Variants in WNK2 observed in about 807,000 individuals in gnomAD.
WNK2 encodes WNK lysine deficient protein kinase 2.
In WNK2, 67 loss-of-function variants were observed where a neutral mutation model predicts 192.1. The observed-to-expected ratio is 0.35, with a 90% CI of 0.29 to 0.43. WNK2 has a LOEUF of 0.43. Among genes scored for constraint, WNK2 ranks in the 20% least tolerant of loss-of-function variants. The probability of loss-of-function intolerance (pLI) is 1.00; values close to 1 mark genes in which losing one functional copy is unlikely to be tolerated. For synonymous variants in WNK2, 1,439 were observed against 1,393.9 expected (o/e 1.03, Z -0.72); for missense variants, 2,698 against 3,089.7 (o/e 0.87, Z 3.01).
In WNK2 at chr9:93,238,923, A is replaced by G. The variant is rs111243697; in HGVS notation, c.1322+602A>G. 2.5e-3 allele frequency among the ~76,000 whole-genome samples: 384 copies of G among 152,078 alleles called. 4 individuals are homozygous for G. Among genetic ancestry groups the G allele is most frequent in the African/African-American group, 8.8e-3 (366 of 41,484 alleles). On this transcript the variant is annotated intron_variant, in intron 6 of 29. Coordinates refer to ENST00000427277, the MANE Select transcript of WNK2 (RefSeq NM_006648.4). ...TTCCCTCCCCCTCACACTGGAGTAC[A>G]CCCACCATCTGACGTGACACCCCTC...
rs1563997449 is a variant in WNK2, at chr9:93,211,245, CTCACTCACTCATTCACTCAT to C, written c.682-18438_682-18419del. ...ATCCACTCACTCACTCACTCATTCA[CTCACTCACTCATTCACTCAT>C]TCACTCACTCATCCACTCACTCATA... On this transcript the variant is annotated intron_variant, in intron 2 of 29. Transcript: ENST00000427277. 9.4e-4 allele frequency among the ~76,000 whole-genome samples: 25 copies of C among 26,522 alleles called. 1 individual carries two copies. Among genetic ancestry groups the C allele is most frequent in the Non-Finnish European group, 1.2e-3 (17 of 13,732 alleles). 17.4% of individuals were successfully genotyped at this position (26,522 alleles called of 152,430 possible).
chr9:93,284,566 A>G (rs577418018), intron 19 of WNK2, among the ~76,000 whole-genome samples: 4 of 146,146 alleles, frequency 2.7e-5, no homozygotes, highest in South Asian at 2.3e-4. Context: ...CAGCACTTCT[A>G]TTAAGTATCC....
At chr9:93,281,545 T>C (rs896462845) in intron 19 of WNK2, among the ~76,000 whole-genome samples, 2 of 152,088 alleles carry the variant, frequency 1.3e-5, no homozygotes, top group South Asian at 2.1e-4. Context: ...CTAAGAAATA[T>C]AGAGATTACA....
chr9:93,245,830 C>T (rs1841585283), intron 7 of WNK2, among the ~76,000 whole-genome samples: 1 of 152,174 alleles, frequency 6.6e-6, no homozygotes, highest in Admixed American at 6.5e-5. Context: ...TGGCTCAGGG[C>T]CCTAGTGAGA....
intron 2 of WNK2, among the ~76,000 whole-genome samples, chr9:93,203,523 C>T (rs965979222): frequency 3.9e-5 from 6 of 152,110 alleles, no homozygotes; most frequent in South Asian, 2.1e-4. Context: ...GGGTCCAGGC[C>T]GGGGGCACAG....
In WNK2 at chr9:93,292,838, G is replaced by T. The variant is rs773766157; in HGVS notation, c.5373G>T (p.Ala1791=). The stretch of plus-strand genomic sequence containing the variant: ...ACGTGAAGCTGGCAGTGCGGCGGGC[G>T]CAGACGGCCTCCTCCATCGAGGTCG... ...SPDVKLAVRR[A]QTASSIEVGV... is the part of the protein sequence containing the mutation. The change falls in exon 23 of 30, where the codon GCG becomes GCT. Residue 1791 remains alanine (A), a synonymous_variant. Transcript: ENST00000427277. The T allele has an allele frequency of 2.0e-6, 3 of 1,502,186 alleles. No homozygotes were observed. Among genetic ancestry groups the T allele is most frequent in the Non-Finnish European group, 1.8e-6 (2 of 1,124,510 alleles). The allele number at this position is 1,502,186 out of a possible 1,614,324, so 93.1% of individuals were successfully genotyped here. A position where few individuals can be genotyped will look rare whatever the true frequency, so the allele number is the denominator to read the frequency against.
chr9:93,238,783 G>A (rs1049131084), intron 6 of WNK2, among the ~76,000 whole-genome samples: 3 of 152,148 alleles, frequency 2.0e-5, no homozygotes, highest in Non-Finnish European at 2.9e-5. Flanking sequence ...GGGTTGTTTG[G>A]CCCTTCTCAA....
intron 13 of WNK2, among the ~76,000 whole-genome samples, 173 bp downstream of exon 13, chr9:93,262,280 A>T (rs1844403868): frequency 6.6e-6 from 1 of 152,234 alleles, no homozygotes; most frequent in African/African-American, 2.4e-5. Context: ...AAGCCACATC[A>T]AGACAGAGGG....
rs1849477287 is a variant in WNK2, at chr9:93,292,246, G to A, written c.4937-62G>A. The A allele has an allele frequency of 1.9e-6, 3 of 1,583,080 alleles. No individual in the cohort carries two copies. In the Admixed American group the frequency reaches 5.0e-5, roughly 26 times the overall value. Reference sequence around the variant, plus strand: ...CACTTTGGGCTGCTTCGGGTCAGCTGTGAGCCATCTCTGCCTCTTCCTCCT... The same window carrying A: ...CACTTTGGGCTGCTTCGGGTCAGCTATGAGCCATCTCTGCCTCTTCCTCCT... On this transcript the variant is annotated intron_variant, in intron 21 of 29. Transcript: ENST00000427277.
At chr9:93,224,325 T>C (rs908479324) in intron 2 of WNK2, among the ~76,000 whole-genome samples, 2 of 152,182 alleles carry the variant, frequency 1.3e-5, no homozygotes, top group Non-Finnish European at 2.9e-5. Context: ...CGTTGCCCAC[T>C]GGGGACTGTT....
chr9:93,313,560 G>A (rs761669048), intron 28 of WNK2, among the ~76,000 whole-genome samples: 1 of 151,932 alleles, frequency 6.6e-6, no homozygotes, highest in Non-Finnish European at 1.5e-5. Flanking sequence ...CATTGTAGTT[G>A]AAATTGTATT....
At chr9:93,217,537 G>A (rs1008302841) in intron 2 of WNK2, among the ~76,000 whole-genome samples, 4 of 152,208 alleles carry the variant, frequency 2.6e-5, no homozygotes, top group East Asian at 1.9e-4. Context: ...GGCTCTTGCC[G>A]CCAGTTCTGG....
At position 93,264,044 on chromosome 9, in the gene WNK2, G is replaced by A; in HGVS notation, c.3696+11G>A. The A allele has an allele frequency of 1.9e-6, 3 of 1,604,632 alleles. No individual in the cohort carries two copies. Among genetic ancestry groups the A allele is most frequent in the Non-Finnish European group, 2.6e-6 (3 of 1,173,844 alleles). On this transcript the variant is annotated intron_variant, in intron 16 of 29. Transcript: ENST00000427277. The stretch of plus-strand genomic sequence containing the variant: ...ATTGCCACGTATATGGTGAGGCTGG[G>A]TCTGGGTGGCTTGGCTCCCGGTGTT...
intron 21 of WNK2, 37 bp downstream of exon 21, chr9:93,290,084 G>A (rs1179351487): frequency 4.5e-6 from 7 of 1,541,262 alleles, no homozygotes; most frequent in Non-Finnish European, 6.1e-6. Flanking sequence ...TTCACAAGGT[G>A]CTGCCTGGCT....
chr9:93,219,252 C>T (rs546630374), intron 2 of WNK2, among the ~76,000 whole-genome samples: 1 of 152,258 alleles, frequency 6.6e-6, no homozygotes, highest in Non-Finnish European at 1.5e-5. Context: ...TCTACCAACA[C>T]CCCCAGTCCC....
chr9:93,280,074 T>A (rs1342827768), intron 19 of WNK2, among the ~76,000 whole-genome samples: 1 of 152,246 alleles, frequency 6.6e-6, no homozygotes, highest in Non-Finnish European at 1.5e-5. Flanking sequence ...AAGTTTAAAC[T>A]GTCTACTCCT....
In WNK2 at chr9:93,239,685, G is replaced by T; in HGVS notation, c.1323-72G>T. The T allele has an allele frequency of 1.5e-6, 2 of 1,361,814 alleles. No homozygotes were observed. Among genetic ancestry groups the T allele is most frequent in the Non-Finnish European group, 2.0e-6 (2 of 990,062 alleles). The allele number at this position is 1,361,814 out of a possible 1,614,324, so 84.4% of individuals were successfully genotyped here. A position where few individuals can be genotyped will look rare whatever the true frequency, so the allele number is the denominator to read the frequency against. ...GGTGTGCCTGTCCTTGTCCTGGTGC[G>T]CATGGACACAGGAGCCTGGGCATGG... On this transcript the variant is annotated intron_variant, in intron 6 of 29. Coordinates refer to ENST00000427277, the MANE Select transcript of WNK2 (RefSeq NM_006648.4). This position sits in a 1 kb window ranked among gnomAD's most constrained non-coding sequence, Gnocchi z 4.2.
intron 26 of WNK2, among the ~76,000 whole-genome samples, chr9:93,302,462 A>G (rs2134133103): frequency 6.6e-6 from 1 of 152,274 alleles, no homozygotes; most frequent in Admixed American, 6.5e-5. Flanking sequence ...TTTGCTCCCT[A>G]GGGCCTGGGG....
At chr9:93,246,626 G>A (rs1176970811) in intron 7 of WNK2, among the ~76,000 whole-genome samples, 4 of 152,154 alleles carry the variant, frequency 2.6e-5, no homozygotes, top group African/African-American at 9.7e-5. Flanking sequence ...TTGTGGGGTC[G>A]CCAGCCTCCA....
Sources: gnomAD v4.1 joint callset for allele counts (sites outside exome capture counted in the v4.1 genomes callset) on GRCh38, gnomAD v4.1.1 for gene constraint, Gnocchi (gnomAD v3.1) non-coding constraint, MANE v1.5 for transcripts, NCBI Gene and HGNC (gene_info 2026-07-23, HGNC 2026-07-21) for gene names.